Variants in MYO9A observed in about 807,000 individuals in gnomAD.
MYO9A encodes the protein myosin IXA, also known as unconventional myosin-IXa.
In MYO9A, 103 loss-of-function variants were observed where a neutral mutation model predicts 293.3. The ratio of observed to expected loss-of-function variants is 0.35; its 90% confidence interval spans 0.30 to 0.41. MYO9A has a LOEUF of 0.41. MYO9A is among the 10% of genes least tolerant of loss of function. MYO9A has a pLI of 1.00. For missense variants in MYO9A, 2,685 were observed against 3,033.0 expected, an observed-to-expected ratio of 0.89 and a Z score of 2.69; for synonymous variants, 1,001 against 1,035.7, an observed-to-expected ratio of 0.97 and a Z score of 0.64.
Position 71,999,860 on chromosome 15 carries a change from C to T in MYO9A, c.1461G>A (p.Lys487=). ...AGAAAATCCATCATACCTCTGCCAA[C>T]TTGTATGGCAAAATAAGCTTTTCTC... is the stretch of plus-strand genomic sequence containing the variant. ...TVGEKLILPY[K]LAEAVTVRNS... The change falls in exon 9 of 42, where the codon AAG becomes AAA. Residue 487 remains lysine, a synonymous_variant. Transcript: ENST00000356056. 6.2e-7 allele frequency: 1 copy of T among 1,611,418 alleles called. No individual in the cohort carries two copies.
At chr15:71,880,702 G>A in intron 28 of MYO9A, 144 bp from the exon 29 acceptor site, 1 of 712,654 alleles carries the variant, frequency 1.4e-6, no homozygotes, top group Non-Finnish European at 2.3e-6. Context: ...TAATGTTTGA[G>A]GTTAGGCAGC....
At position 71,920,201 on chromosome 15, in the gene MYO9A, CTTAA is replaced by C. The variant is rs746185785; in HGVS notation, c.2563-3713_2563-3710del. Among the ~76,000 whole-genome samples the C allele has an allele frequency of 5.3e-5, 8 of 152,240 alleles. No homozygotes were observed. In the East Asian group the frequency reaches 1.2e-3, roughly 22 times the overall value. On this transcript the variant is annotated intron_variant, in intron 18 of 41. Coordinates refer to ENST00000356056, the MANE Select transcript of MYO9A (RefSeq NM_006901.4). ...CATCATTATGGTTGAGTTTATTAAG[CTTAA>C]TTAACCAGTTTATTATTTTTTTCAA...
At chr15:72,101,894 G>A (rs1428944491) in intron 1 of MYO9A, among the ~76,000 whole-genome samples, 1 of 152,176 alleles carries the variant, frequency 6.6e-6, no homozygotes, top group Non-Finnish European at 1.5e-5. Flanking sequence ...CCGGCCAGCG[G>A]CCCCGCCCGG....
At chr15:72,054,735 T>C (rs1002313667) in intron 1 of MYO9A, among the ~76,000 whole-genome samples, 5 of 143,942 alleles carry the variant, frequency 3.5e-5, no homozygotes, top group Non-Finnish European at 6.0e-5. Flanking sequence ...TGTTTATTAG[T>C]TAGGGGGCTT....
At chr15:71,881,554 C>T (rs2056873720) in intron 28 of MYO9A, among the ~76,000 whole-genome samples, 1 of 152,072 alleles carries the variant, frequency 6.6e-6, no homozygotes, top group African/African-American at 2.4e-5. Context: ...TTCTATTATA[C>T]AGCTTAGATA....
rs983054241 is a variant in MYO9A at position 71,888,219 on chromosome 15, A to G, written c.5143-103T>C. 1.2e-5 allele frequency: 7 copies of G among 587,634 alleles called. No homozygotes were observed. In the African/African-American group the frequency reaches 1.3e-4, roughly 11 times the overall value. 36.4% of individuals were successfully genotyped at this position (587,634 alleles called of 1,614,324 possible). A position where few individuals can be genotyped will look rare whatever the true frequency, so the allele number is the denominator to read the frequency against. On this transcript the variant is annotated intron_variant, in intron 26 of 41. Transcript: ENST00000356056. ...AATTACTTGAGCTATTTAAAAACAC[A>G]CAAAACATTGATATTATTCAGAGAT...
intron 1 of MYO9A, among the ~76,000 whole-genome samples, chr15:72,084,386 T>G (rs2079647995): frequency 2.6e-5 from 4 of 152,232 alleles, no homozygotes. Context: ...TGGGTGTCAC[T>G]GCATAGGAGA....
At chr15:71,839,539 C>T (rs4238447) in intron 39 of MYO9A, among the ~76,000 whole-genome samples, 29,751 of 151,960 alleles carry the variant, frequency 0.2, 3,133 homozygotes, top group East Asian at 0.39. Context: ...GTCCCCAATT[C>T]GTCGGACTAT....
intron 2 of MYO9A, among the ~76,000 whole-genome samples, chr15:72,037,042 C>CT (rs1555410191): frequency 1.7e-4 from 25 of 147,566 alleles, no homozygotes; most frequent in Admixed American, 6.1e-4. Context: ...CCTCATCCTA[C>CT]TTTTTTTTTT....
chr15:72,101,929 C>T (rs545034446), intron 1 of MYO9A, among the ~76,000 whole-genome samples: 751 of 151,952 alleles, frequency 4.9e-3, no homozygotes, highest in Non-Finnish European at 8.2e-3. Flanking sequence ...CTCTGCCCGG[C>T]CGCCCCTACT....
In MYO9A at chr15:71,899,956, C is replaced by T; in HGVS notation, c.3201G>A (p.Val1067=). 1 of 1,613,868 alleles carries T rather than the reference C, an allele frequency of 6.2e-7. No homozygotes were observed. Among genetic ancestry groups the T allele is most frequent in the Non-Finnish European group, 8.5e-7 (1 of 1,179,808 alleles). The part of the protein sequence containing the change: ...LNQKQVRDAA[V]QKDAFVMASA... ...TAGCCATAACAAAAGCATCCTTCTGCACAGCTGCATCTCTGACTTGCTTCT... is the reference window on the plus strand; with the variant it reads ...TAGCCATAACAAAAGCATCCTTCTGTACAGCTGCATCTCTGACTTGCTTCT... The change falls in exon 24 of 42, where the codon GTG becomes GTA. Residue 1067 remains valine, a synonymous_variant. Coordinates refer to ENST00000356056, the MANE Select transcript of MYO9A (RefSeq NM_006901.4).
At chr15:71,977,942 C>T (rs915270952) in intron 12 of MYO9A, among the ~76,000 whole-genome samples, 1 of 152,034 alleles carries the variant, frequency 6.6e-6, no homozygotes, top group African/African-American at 2.4e-5. Flanking sequence ...GAGGCTAAGG[C>T]AGGAGAATGG....
chr15:71,856,813 T>A (rs998087079), intron 34 of MYO9A, among the ~76,000 whole-genome samples: 4 of 152,212 alleles, frequency 2.6e-5, no homozygotes, highest in African/African-American at 4.8e-5. Flanking sequence ...AATCTTGGAA[T>A]ATTTAGAGGA....
At chr15:71,908,056 T>C (rs2144198483) in intron 19 of MYO9A, among the ~76,000 whole-genome samples, 1 of 152,326 alleles carries the variant, frequency 6.6e-6, no homozygotes, top group Non-Finnish European at 1.5e-5. Context: ...TAGGTTTTCT[T>C]CTAGGGTTTT....
At position 71,878,147 on chromosome 15, in the gene MYO9A, G is replaced by C. The variant is rs751012778; in HGVS notation, c.5824C>G (p.Arg1942Gly). Residue 1942 changes from arginine to glycine, a missense_variant, in exon 31 of 42, where the codon CGT (arginine) becomes GGT (glycine). Physicochemically the swap from Arg to Gly is moderately radical, Grantham distance 125. Around this residue, in one of 10 missense-constraint regions of MYO9A, gnomAD observed 1,434 missense variants for 1,497.7 expected, o/e 0.96. Coordinates refer to ENST00000356056, the MANE Select transcript of MYO9A (RefSeq NM_006901.4). ...ACTGGAGATTCACCCAGTGAATCAC[G>C]CTGCTCAAGCCTCATCGTCTTTTCC... ...ILEKTMRLEQ[R>G]DSLGESPVRV... is the part of the protein sequence containing the mutation. The C allele has an allele frequency of 1.2e-6, 2 of 1,612,882 alleles. No individual in the cohort carries two copies. The highest frequency in any genetic ancestry group is 2.2e-5 in the South Asian group (2 of 90,872).
At chr15:71,998,547 TTTC>T (rs940696784) in intron 9 of MYO9A, among the ~76,000 whole-genome samples, 10 of 91,754 alleles carry the variant, frequency 1.1e-4, no homozygotes, top group Non-Finnish European at 1.8e-4. Flanking sequence ...AAGATTTGGC[TTTC>T]TTTTTTTTTT....
chr15:71,898,809 T>C lies in MYO9A; in HGVS notation c.3694A>G (p.Asn1232Asp), dbSNP rs755129835. Residue 1232 changes from asparagine to aspartate, a missense_variant, in exon 25 of 42, where the codon AAC (asparagine) becomes GAC (aspartate). By Grantham distance (23) the Asn-to-Asp change is conservative. This residue lies in a region of MYO9A where 1,434 missense variants were observed against 1,497.7 expected (regional missense o/e 0.96). Coordinates refer to ENST00000356056, the MANE Select transcript of MYO9A (RefSeq NM_006901.4). ...SSVDCLKESP[N>D]KQQERAQSQS... is the part of the protein sequence containing the mutation. ...CTTTGGGCTCTCTCCTGCTGCTTGTTTGGTGACTCCTTCAAGCAGTCCACT... is the reference window on the plus strand; with the variant it reads ...CTTTGGGCTCTCTCCTGCTGCTTGTCTGGTGACTCCTTCAAGCAGTCCACT... 6.2e-7 allele frequency: 1 copy of C among 1,614,168 alleles called. No individual in the cohort carries two copies. Among genetic ancestry groups the C allele is most frequent in the Non-Finnish European group, 8.5e-7 (1 of 1,180,034 alleles).
intron 9 of MYO9A, among the ~76,000 whole-genome samples, chr15:71,997,712 T>A (rs1324014469): frequency 1.3e-5 from 2 of 151,856 alleles, no homozygotes; most frequent in Admixed American, 6.6e-5. Flanking sequence ...CTAAAAAAAA[T>A]TTGTAATGAA....
intron 4 of MYO9A, among the ~76,000 whole-genome samples, chr15:72,024,309 G>A (rs1037321027): frequency 2.0e-5 from 3 of 152,134 alleles, no homozygotes; most frequent in South Asian, 2.1e-4. Flanking sequence ...TGATTGACAG[G>A]ATCTCACTCT....
Sources: allele counts gnomAD v4.1 joint callset (sites outside exome capture counted in the v4.1 genomes callset), GRCh38; gene constraint gnomAD v4.1.1; regional missense constraint gnomAD v4.1.1; transcripts MANE v1.5; gene names NCBI Gene and HGNC (gene_info 2026-07-23, HGNC 2026-07-21).